Variants in APOC3 observed in about 807,000 individuals in gnomAD.
The protein encoded by APOC3 is apolipoprotein C-III.
Under a neutral mutation model 7.3 loss-of-function variants are expected in APOC3, and 6 were observed. The observed-to-expected ratio is 0.82, with a 90% CI of 0.45 to 1.61. APOC3 has a LOEUF of 1.61. Ranked by LOEUF, APOC3 falls within the 40% of genes most tolerant of loss-of-function variation. The probability of loss-of-function intolerance (pLI) is 0.01; values close to 1 mark genes in which losing one functional copy is unlikely to be tolerated. For missense variants in APOC3, 123 were observed against 124.9 expected (o/e 0.98, Z 0.07); for synonymous variants, 45 against 51.2 (o/e 0.88, Z 0.52).
intron 3 of APOC3, chr11:116,831,182 T>C (rs12721099): frequency 0.08 from 20,635 of 258,246 alleles, 3,064 homozygotes; most frequent in African/African-American, 0.42. Context: ...CCTTTCTTTC[T>C]CTTTCTATTT....
intron 1 of APOC3, 138 bp downstream of exon 1, chr11:116,830,078 C>A: frequency 4.9e-6 from 1 of 203,250 alleles, no homozygotes; most frequent in East Asian, 1.2e-4. Flanking sequence ...ACGGGTGCCC[C>A]CCACCCCTCA....
At chr11:116,830,459 C>T in intron 1 of APOC3, 111 bp from the exon 2 acceptor site, 1 of 1,153,996 alleles carries the variant, frequency 8.7e-7, no homozygotes, top group Non-Finnish European at 1.3e-6. Flanking sequence ...GGCCCCTACT[C>T]CTTCTGGCAG....
At chr11:116,831,125 C>T (rs1014478353) in intron 3 of APOC3, 1 of 581,124 alleles carries the variant, frequency 1.7e-6, no homozygotes, top group African/African-American at 1.9e-5. Context: ...CCGGAGCAGT[C>T]CTAGGGCGTG....
At position 116,830,595 on chromosome 11, in the gene APOC3, G is replaced by A. The variant is rs1233723737; in HGVS notation, c.13G>A (p.Val5Ile). The A allele has an allele frequency of 6.2e-7, 1 of 1,614,022 alleles. No individual in the cohort carries two copies. The highest frequency in any genetic ancestry group is 1.7e-5 in the Admixed American group (1 of 60,030). ...GAACAGAGGTGCCATGCAGCCCCGG[G>A]TACTCCTTGTTGTTGCCCTCCTGGC... is the stretch of plus-strand genomic sequence containing the variant. Reference protein sequence around the residue: MQPRVLLVVALLALL... With the variant: MQPRILLVVALLALL... The change falls in exon 2 of 4, where the codon GTA (valine) becomes ATA (isoleucine). Residue 5 changes from valine to isoleucine, a missense_variant. By Grantham distance (29) the Val-to-Ile change is conservative. Coordinates refer to ENST00000227667, the MANE Select transcript of APOC3 (RefSeq NM_000040.3).
chr11:116,832,662 G>C (rs1409089327), intron 3 of APOC3, 102 bp from the exon 4 acceptor site: 5 of 1,552,396 alleles, frequency 3.2e-6, no homozygotes, highest in Non-Finnish European at 4.4e-6. Context: ...GGGTGGTGTG[G>C]TCCTGACTGG....
In APOC3 at chr11:116,830,856, C is replaced by G. The variant is rs1941438842; in HGVS notation, c.139C>G (p.Leu47Val). ...KHATKTAKDA[L>V]SSVQESQVAQ... ...CGCCACCAAGACCGCCAAGGATGCA[C>G]TGAGCAGCGTGCAGGAGTCCCAGGT... Residue 47 changes from leucine (L) to valine (V), a missense_variant, in exon 3 of 4, where the codon CTG (leucine) becomes GTG (valine). Transcript: ENST00000227667. 1 of 1,613,086 alleles carries G rather than the reference C, an allele frequency of 6.2e-7. No homozygotes were observed. The highest frequency in any genetic ancestry group is 1.3e-5 in the African/African-American group (1 of 74,910).
Position 116,832,888 on chromosome 11 carries a change from C to T in APOC3, c.*4C>T, listed in dbSNP as rs980623602. ...AACTTCAGCCGTGGCTGCCTGAGACCTCAATACCCCAAGTCCACCTGCCTA... is the reference window on the plus strand; with the variant it reads ...AACTTCAGCCGTGGCTGCCTGAGACTTCAATACCCCAAGTCCACCTGCCTA... On this transcript the variant is annotated 3_prime_UTR_variant, in exon 4 of 4. Coordinates refer to ENST00000227667, the MANE Select transcript of APOC3 (RefSeq NM_000040.3). 5.6e-6 allele frequency: 9 copies of T among 1,613,670 alleles called. No individual in the cohort carries two copies. Among genetic ancestry groups the T allele is most frequent in the Non-Finnish European group, 7.6e-6 (9 of 1,180,024 alleles).
chr11:116,830,604 G>A lies in APOC3; in HGVS notation c.22G>A (p.Val8Ile). Residue 8 changes from valine (V) to isoleucine (I), a missense_variant, in exon 2 of 4, where the codon GTT (valine) becomes ATT (isoleucine). By Grantham distance (29) the Val-to-Ile change is conservative. Coordinates refer to ENST00000227667, the MANE Select transcript of APOC3 (RefSeq NM_000040.3). MQPRVLL[V>I]VALLALLASA... ...TGCCATGCAGCCCCGGGTACTCCTT[G>A]TTGTTGCCCTCCTGGCGCTCCTGGC... The A allele has an allele frequency of 6.2e-7, 1 of 1,613,994 alleles. No individual in the cohort carries two copies. Among genetic ancestry groups the A allele is most frequent in the Non-Finnish European group, 8.5e-7 (1 of 1,179,990 alleles).
rs568474622 is a variant in APOC3 at position 116,832,688 on chromosome 11, A to G, written c.180-76A>G. 543 of 1,601,352 alleles carry G rather than the reference A, an allele frequency of 3.4e-4. 6 individuals carry two copies. In the South Asian group the frequency reaches 5.7e-3, roughly 17 times the overall value. On this transcript the variant is annotated intron_variant, in intron 3 of 3. Transcript: ENST00000227667. ...TCCTGACTGGTGTCGTCCAGTGGGG[A>G]CATGGGTGTGGGTCCCATGGTTGCC...
chr11:116,830,719 C>G (rs960559154), intron 2 of APOC3, 54 bp from the exon 3 acceptor site: 3 of 1,613,190 alleles, frequency 1.9e-6, no homozygotes, highest in Non-Finnish European at 2.5e-6. Flanking sequence ...CAAGCAGGAG[C>G]CCAGGGCTCG....
intron 3 of APOC3, 27 bp downstream of exon 3, chr11:116,830,923 C>T (rs1036597614): frequency 1.9e-6 from 3 of 1,604,806 alleles, no homozygotes; most frequent in Admixed American, 1.7e-5. Flanking sequence ...CCCTCCCCAT[C>T]CCCCCTGCCA....
At chr11:116,830,493 G>A in intron 1 of APOC3, 77 bp from the exon 2 acceptor site, 5 of 1,511,052 alleles carry the variant, frequency 3.3e-6, no homozygotes, top group Non-Finnish European at 4.6e-6. Context: ...TCTACCTTAG[G>A]GGCCACGCCA....
chr11:116,831,124 T>C (rs1352640973), intron 3 of APOC3: 1 of 583,754 alleles, frequency 1.7e-6, no homozygotes, highest in Non-Finnish European at 3.0e-6. Context: ...CCCGGAGCAG[T>C]CCTAGGGCGT....
Position 116,830,841 on chromosome 11 carries a change from A to T in APOC3, c.124A>T (p.Thr42Ser). 1 of 1,612,956 alleles carries T rather than the reference A, an allele frequency of 6.2e-7. No individual in the cohort carries two copies. Among genetic ancestry groups the T allele is most frequent in the South Asian group, 1.1e-5 (1 of 91,052 alleles). ...GGGTTACATGAAGCACGCCACCAAGACCGCCAAGGATGCACTGAGCAGCGT... is the reference window on the plus strand; with the variant it reads ...GGGTTACATGAAGCACGCCACCAAGTCCGCCAAGGATGCACTGAGCAGCGT... Reference protein sequence around the residue: ...MQGYMKHATKTAKDALSSVQE... With the variant: ...MQGYMKHATKSAKDALSSVQE... The change falls in exon 3 of 4, where the codon ACC becomes TCC. Residue 42 changes from threonine (T) to serine (S), a missense_variant. Transcript: ENST00000227667.
intron 1 of APOC3, among the ~76,000 whole-genome samples, chr11:116,830,312 G>A (rs1022553853): frequency 1.3e-4 from 20 of 152,176 alleles, no homozygotes; most frequent in African/African-American, 9.7e-5. Flanking sequence ...TGGACTGGAC[G>A]GAGATCAGTC....
chr11:116,833,040 C>T lies in APOC3; in HGVS notation c.*156C>T. 9.5e-7 allele frequency: 1 copy of T among 1,057,108 alleles called. No homozygotes were observed. Among genetic ancestry groups the T allele is most frequent in the Non-Finnish European group, 1.4e-6 (1 of 706,158 alleles). 65.5% of individuals were successfully genotyped at this position (1,057,108 alleles called of 1,614,324 possible). Reference sequence around the variant, plus strand: ...CTGGCCCCCCTCCAGGCATGCTGGCCTCCCAATAAAGCTGGACAAGAAGCT... The same window carrying T: ...CTGGCCCCCCTCCAGGCATGCTGGCTTCCCAATAAAGCTGGACAAGAAGCT... On this transcript the variant is annotated 3_prime_UTR_variant, in exon 4 of 4. Coordinates refer to ENST00000227667, the MANE Select transcript of APOC3 (RefSeq NM_000040.3).
chr11:116,832,734 C>A lies in APOC3; in HGVS notation c.180-30C>A, dbSNP rs113617501. On this transcript the variant is annotated intron_variant, in intron 3 of 3. Transcript: ENST00000227667. The stretch of plus-strand genomic sequence containing the variant: ...TTGCCTACAGAGGAGTTCTCATGCC[C>A]TGCTCTGTTGCTTCCCCTGACTGAT... 29 of 1,614,022 alleles carry A rather than the reference C, an allele frequency of 1.8e-5. 2 individuals carry two copies. In the African/African-American group the frequency reaches 2.5e-4, roughly 14 times the overall value.
At position 116,832,942 on chromosome 11, in the gene APOC3, A is replaced by G. The variant is rs907124040; in HGVS notation, c.*58A>G. 3 of 1,611,814 alleles carry G rather than the reference A, an allele frequency of 1.9e-6. No homozygotes were observed. The East Asian group carries it at 6.7e-5, about 36-fold the overall frequency. ...ATCCTGCGAGCTCCTTGGGTCCTGC[A>G]ATCTCCAGGGCTGCCCCTGTAGGTT... is the stretch of plus-strand genomic sequence containing the variant. On this transcript the variant is annotated 3_prime_UTR_variant, in exon 4 of 4. Transcript: ENST00000227667.
intron 3 of APOC3, among the ~76,000 whole-genome samples, chr11:116,832,162 C>G (rs989257247): frequency 1.3e-5 from 2 of 151,908 alleles, no homozygotes; most frequent in African/African-American, 2.4e-5. Context: ...CCCATCAGTA[C>G]TCTCCTCTCC....
Sources: gnomAD v4.1 joint callset for allele counts (sites outside exome capture counted in the v4.1 genomes callset) on GRCh38, gnomAD v4.1.1 for gene constraint, MANE v1.5 for transcripts, NCBI Gene and HGNC (gene_info 2026-07-23, HGNC 2026-07-21) for gene names.